DDR2: variants seen among roughly 807,000 people sequenced by gnomAD.
DDR2 encodes the protein discoidin domain receptor tyrosine kinase 2, also known as discoidin domain-containing receptor 2.
In DDR2, 27 loss-of-function variants were observed where a neutral mutation model predicts 94.9. The ratio of observed to expected loss-of-function variants is 0.28; its 90% CI spans 0.21 to 0.39. DDR2 has a LOEUF of 0.39. Ranked by LOEUF, DDR2 falls within the 10% of genes least tolerant of loss-of-function variation. The pLI, the probability that DDR2 is intolerant of heterozygous loss-of-function variation, is 1.00. For synonymous variants in DDR2, 382 were observed against 377.2 expected (o/e 1.01, Z -0.15); for missense variants, 783 against 1,076.0 (o/e 0.73, Z 3.81).
Position 162,770,333 on chromosome 1 carries a change from C to T in DDR2, c.1325C>T (p.Thr442Ile), listed in dbSNP as rs1300024949. Residue 442 changes from threonine to isoleucine, a missense_variant, in exon 12 of 18, where the codon ACA becomes ATA. Transcript: ENST00000367921. Reference protein sequence around the residue: ...ASRRMLDDEMTVSLSLPSDSS... With the variant: ...ASRRMLDDEMIVSLSLPSDSS... ...CGGAGGATGCTGGATGATGAAATGA[C>T]AGTCAGCCTTTCCCTGCCAAGTGAT... The T allele has an allele frequency of 1.2e-6, 2 of 1,614,074 alleles. No homozygotes were observed. The highest frequency in any genetic ancestry group is 1.7e-6 in the Non-Finnish European group (2 of 1,180,006).
intron 3 of DDR2, among the ~76,000 whole-genome samples, chr1:162,734,529 A>T (rs1039087242): frequency 2.6e-5 from 4 of 152,192 alleles, no homozygotes; most frequent in East Asian, 3.8e-4. Flanking sequence ...AACGAAAACC[A>T]GTTTGTTATA....
At chr1:162,766,176 T>C in intron 10 of DDR2, 113 bp downstream of exon 10, 1 of 1,131,484 alleles carries the variant, frequency 8.8e-7, no homozygotes, top group Admixed American at 1.7e-5. Flanking sequence ...CCAGTTGGCT[T>C]TGGATGAAGA....
intron 1 of DDR2, among the ~76,000 whole-genome samples, chr1:162,634,007 A>G (rs1343819628): frequency 6.6e-6 from 1 of 152,096 alleles, no homozygotes; most frequent in African/African-American, 2.4e-5. Context: ...TGTATATCTG[A>G]CTCTAAAACC....
intron 14 of DDR2, among the ~76,000 whole-genome samples, chr1:162,773,963 CA>C (rs1259964633): frequency 2.6e-5 from 4 of 152,214 alleles, no homozygotes; most frequent in African/African-American, 9.6e-5. Context: ...TTCAGAATCA[CA>C]CATGACTTTC....
At chr1:162,755,886 C>T (rs990976259) in intron 7 of DDR2, 117 bp downstream of exon 7, 4 of 910,032 alleles carry the variant, frequency 4.4e-6, no homozygotes, top group Non-Finnish European at 6.9e-6. Flanking sequence ...AGTTCTTGTA[C>T]AAGGCATTTG....
chr1:162,748,067 C>T (rs1178229632), intron 3 of DDR2, among the ~76,000 whole-genome samples: 9 of 152,190 alleles, frequency 5.9e-5, no homozygotes, highest in East Asian at 5.8e-4. Context: ...TAAACACCAT[C>T]GATGCTAGGA....
chr1:162,645,126 T>C (rs1188677774), intron 1 of DDR2, among the ~76,000 whole-genome samples: 1 of 152,212 alleles, frequency 6.6e-6, no homozygotes, highest in Admixed American at 6.5e-5. Flanking sequence ...TGAAGCAGAT[T>C]CTCTGTCACT....
chr1:162,741,252 T>TATAATATAATATA lies in DDR2; in HGVS notation c.83-11843_83-11842insATAATATAATATA, dbSNP rs57099786. ...TATAATATAATATAATATAGTATAA[T>TATAATATAATATA]GTAATGTAATGTAATATAATATAAT... On this transcript the variant is annotated intron_variant, in intron 3 of 17. Transcript: ENST00000367921. Among the ~76,000 whole-genome samples, 291 of 96,532 alleles carry TATAATATAATATA rather than the reference T, an allele frequency of 3.0e-3. 5 individuals carry two copies. The highest frequency in any genetic ancestry group is 0.012 in the East Asian group (36 of 2,888). The allele number at this position is 96,532 out of a possible 152,430, so 63.3% of individuals were successfully genotyped here. A position where few individuals can be genotyped will look rare whatever the true frequency, so the allele number is the denominator to read the frequency against.
chr1:162,631,839 C>A (rs1656572777), upstream of DDR2, among the ~76,000 whole-genome samples: 1 of 151,824 alleles, frequency 6.6e-6, no homozygotes. Flanking sequence ...CAGCAACAGA[C>A]CCTCAGAGGC....
intron 12 of DDR2, among the ~76,000 whole-genome samples, chr1:162,771,323 T>C (rs1413047348): frequency 6.6e-6 from 1 of 152,106 alleles, no homozygotes; most frequent in Non-Finnish European, 1.5e-5. Flanking sequence ...CTGAGCTGGA[T>C]GTAGAAGCAG....
intron 3 of DDR2, among the ~76,000 whole-genome samples, chr1:162,745,741 G>A (rs1325564347): frequency 6.6e-6 from 1 of 152,088 alleles, no homozygotes; most frequent in Non-Finnish European, 1.5e-5. Flanking sequence ...TTGAAATTAG[G>A]ACGTGTGATA....
chr1:162,737,663 G>A (rs990155760), intron 3 of DDR2, among the ~76,000 whole-genome samples: 1 of 114,364 alleles, frequency 8.7e-6, no homozygotes, highest in Non-Finnish European at 1.8e-5. Flanking sequence ...TAGTCATTTG[G>A]GTATATACCC....
intron 3 of DDR2, among the ~76,000 whole-genome samples, chr1:162,721,476 T>C (rs932317911): frequency 1.3e-5 from 2 of 152,190 alleles, no homozygotes; most frequent in African/African-American, 4.8e-5. Context: ...AAACCAGAGA[T>C]GAGTGTTTGA....
At chr1:162,741,209 C>CAATACAATAT (rs368631311) in intron 3 of DDR2, among the ~76,000 whole-genome samples, 11,132 of 68,216 alleles carry the variant, frequency 0.16, 1,935 homozygotes, top group Non-Finnish European at 0.24. Context: ...CAATACAATA[C>CAATACAATAT]AATATAATAT....
chr1:162,772,496 T>A, intron 13 of DDR2: 1 of 514,540 alleles, frequency 1.9e-6, no homozygotes. Context: ...ACTTCAGATA[T>A]CTTGAAAAAC....
Position 162,753,277 on chromosome 1 carries a change from T to C in DDR2, c.185+80T>C, listed in dbSNP as rs570756463. 45 of 1,294,488 alleles carry C rather than the reference T, an allele frequency of 3.5e-5. No homozygotes were observed. The Middle Eastern group carries it at 1.5e-3, about 44-fold the overall frequency. The allele number at this position is 1,294,488 out of a possible 1,614,324, so 80.2% of individuals were successfully genotyped here. A position where few individuals can be genotyped will look rare whatever the true frequency, so the allele number is the denominator to read the frequency against. On this transcript the variant is annotated intron_variant, in intron 4 of 17. Coordinates refer to ENST00000367921, the MANE Select transcript of DDR2 (RefSeq NM_006182.4). The stretch of plus-strand genomic sequence containing the variant: ...GGCACAGATTCCTGACCCTAGGGGC[T>C]GGGGAAGGTGGTGTTATTGGCAGGA...
At chr1:162,753,343 C>G in intron 4 of DDR2, 146 bp downstream of exon 4, 1 of 742,114 alleles carries the variant, frequency 1.3e-6, no homozygotes, top group Non-Finnish European at 2.4e-6. Flanking sequence ...TGGGCCTGTC[C>G]TGCTCTGTAT....
Position 162,786,506 on chromosome 1 carries a change from A to C in DDR2, c.*6260A>C, listed in dbSNP as rs11551334. On this transcript the variant is annotated 3_prime_UTR_variant, in exon 18 of 18. Transcript: ENST00000367921. Reference sequence around the variant, plus strand: ...ACCAATTGTATATTTTCTTTTCTTTATTTATTCTCTGTAAGTCTGTCAGAT... The same window carrying C: ...ACCAATTGTATATTTTCTTTTCTTTCTTTATTCTCTGTAAGTCTGTCAGAT... 6.6e-6 allele frequency: 1 copy of C among 152,248 alleles called. No homozygotes were observed. 9.4% of individuals were successfully genotyped at this position (152,248 alleles called of 1,614,324 possible). A position where few individuals can be genotyped will look rare whatever the true frequency, so the allele number is the denominator to read the frequency against.
At chr1:162,641,998 T>C (rs913013059) in intron 1 of DDR2, among the ~76,000 whole-genome samples, 13 of 152,212 alleles carry the variant, frequency 8.5e-5, no homozygotes, top group Admixed American at 7.2e-4. Flanking sequence ...TCGCCCAGGC[T>C]AGAGTGCAGT....
Sources: allele counts gnomAD v4.1 joint callset (sites outside exome capture counted in the v4.1 genomes callset), GRCh38; gene constraint gnomAD v4.1.1; transcripts MANE v1.5; gene names NCBI Gene and HGNC (gene_info 2026-07-23, HGNC 2026-07-21).